WWOX: variants seen among roughly 807,000 people sequenced by gnomAD.
WWOX encodes the protein WW domain-containing oxidoreductase.
In WWOX, 69 loss-of-function variants were observed where a neutral mutation model predicts 46.2. The observed-to-expected ratio is 1.49, with a 90% CI of 1.23 to 1.82. The LOEUF is 1.82. Ranked by LOEUF, WWOX falls within the 40% of genes most tolerant of loss-of-function variation. The pLI, the probability that WWOX is intolerant of heterozygous loss-of-function variation, is 0.00. For synonymous variants in WWOX, 359 were observed against 202.6 expected (o/e 1.77, Z -6.56); for missense variants, 919 against 542.6 (o/e 1.69, Z -6.89).
At chr16:78,222,913 A>G (rs996274892) in intron 5 of WWOX, among the ~76,000 whole-genome samples, 2 of 152,206 alleles carry the variant, frequency 1.3e-5, no homozygotes, top group African/African-American at 4.8e-5. Context: ...GGAGATGCAA[A>G]TAGGCTCAGG....
At chr16:78,393,412 C>G (rs2082217516) in intron 6 of WWOX, among the ~76,000 whole-genome samples, 1 of 152,084 alleles carries the variant, frequency 6.6e-6, no homozygotes, top group Non-Finnish European at 1.5e-5. Context: ...AATCCCAGCG[C>G]TTTTGGGAGG....
intron 8 of WWOX, among the ~76,000 whole-genome samples, chr16:78,661,668 G>C (rs2047216780): frequency 6.6e-6 from 1 of 151,878 alleles, no homozygotes; most frequent in African/African-American, 2.4e-5. Context: ...TGGGGGCTCT[G>C]TGCATGGAAT....
Position 78,975,640 on chromosome 16 carries a change from T to C in WWOX, c.1057-235968T>C, listed in dbSNP as rs188969758. Among the ~76,000 whole-genome samples the C allele has an allele frequency of 7.7e-3, 1,176 of 152,146 alleles. 7 individuals are homozygous for C. The highest frequency in any genetic ancestry group is 0.014 in the Non-Finnish European group (972 of 67,994). On this transcript the variant is annotated intron_variant, in intron 8 of 8. Coordinates refer to ENST00000566780, the MANE Select transcript of WWOX (RefSeq NM_016373.4). Reference sequence around the variant, plus strand: ...AACAGTGTTTATTCCCCAACTGTCGTCCCTCAAAACCAATGTTAACACCCC... The same window carrying C: ...AACAGTGTTTATTCCCCAACTGTCGCCCCTCAAAACCAATGTTAACACCCC...
intron 5 of WWOX, among the ~76,000 whole-genome samples, chr16:78,318,006 C>T (rs1253647672): frequency 2.6e-5 from 4 of 152,138 alleles, no homozygotes; most frequent in Non-Finnish European, 5.9e-5. Flanking sequence ...AAAGGTTCCA[C>T]AGTATTTGGA....
intron 8 of WWOX, among the ~76,000 whole-genome samples, chr16:78,562,051 T>C (rs1051141252): frequency 6.6e-6 from 1 of 152,190 alleles, no homozygotes; most frequent in Non-Finnish European, 1.5e-5. Context: ...TTTAGCCCCG[T>C]GGAGGCATAT....
chr16:79,040,097 C>G (rs149494709), intron 8 of WWOX, among the ~76,000 whole-genome samples: 2 of 152,196 alleles, frequency 1.3e-5, no homozygotes, highest in East Asian at 3.9e-4. Context: ...TCATTCCTAC[C>G]CCATAGGTTG....
chr16:79,136,311 A>T (rs940202010), intron 8 of WWOX, among the ~76,000 whole-genome samples: 5 of 151,800 alleles, frequency 3.3e-5, no homozygotes, highest in African/African-American at 1.2e-4. Context: ...GCTCACTGCA[A>T]CATTTGACTC....
chr16:78,996,852 C>T lies in WWOX; in HGVS notation c.1057-214756C>T, dbSNP rs369278218. Among the ~76,000 whole-genome samples the T allele has an allele frequency of 2.2e-4, 33 of 152,308 alleles. No homozygotes were observed. In the South Asian group the frequency reaches 5.6e-3, roughly 26 times the overall value. The stretch of plus-strand genomic sequence containing the variant: ...GCTTGCAGAACATCTCCCCGGCCTC[C>T]GACACATGTGCCATAAATGCTGCAG... On this transcript the variant is annotated intron_variant, in intron 8 of 8. Transcript: ENST00000566780.
At chr16:78,446,952 C>A (rs1679850867) in intron 8 of WWOX, among the ~76,000 whole-genome samples, 1 of 152,066 alleles carries the variant, frequency 6.6e-6, no homozygotes, top group South Asian at 2.1e-4. Flanking sequence ...TGAGCCACTG[C>A]CAATTATATA....
At chr16:78,749,781 C>G (rs1463447386) in intron 8 of WWOX, among the ~76,000 whole-genome samples, 1 of 152,186 alleles carries the variant, frequency 6.6e-6, no homozygotes, top group Non-Finnish European at 1.5e-5. Flanking sequence ...ACCTGAAATG[C>G]AACTGTACTT....
intron 8 of WWOX, among the ~76,000 whole-genome samples, chr16:78,480,458 C>T (rs1200496351): frequency 6.6e-6 from 1 of 152,224 alleles, no homozygotes; most frequent in East Asian, 1.9e-4. Context: ...CATATATTTA[C>T]ATGTACTGTC....
rs555881290 is a variant in WWOX, at chr16:78,965,034, G to A, written c.1057-246574G>A. Among the ~76,000 whole-genome samples the A allele has an allele frequency of 1.2e-4, 19 of 152,346 alleles. No homozygotes were observed. The South Asian group carries it at 3.9e-3, about 32-fold the overall frequency. ...TATATGGAAACACCTGGATGCCCCA[G>A]CAAAAGTTTGCTGCATGGGTGGAGC... On this transcript the variant is annotated intron_variant, in intron 8 of 8. Coordinates refer to ENST00000566780, the MANE Select transcript of WWOX (RefSeq NM_016373.4).
intron 8 of WWOX, chr16:79,204,129 G>C (rs1195746314): frequency 6.6e-6 from 1 of 151,924 alleles, no homozygotes; most frequent in Admixed American, 6.6e-5. Context: ...ACCAACCATG[G>C]AAGAATAGAT....
At chr16:79,062,166 G>C (rs1340125074) in intron 8 of WWOX, among the ~76,000 whole-genome samples, 1 of 152,200 alleles carries the variant, frequency 6.6e-6, no homozygotes, top group East Asian at 1.9e-4. Flanking sequence ...GGGGGCCCCA[G>C]ACTCAAGGTT....
At chr16:78,541,030 G>A (rs138376097) in intron 8 of WWOX, among the ~76,000 whole-genome samples, 2 of 152,180 alleles carry the variant, frequency 1.3e-5, no homozygotes, top group Admixed American at 6.5e-5. Context: ...TGGGGAGGTG[G>A]CGTGGGTAGA....
chr16:79,188,754 C>T lies in WWOX; in HGVS notation c.1057-22854C>T, dbSNP rs1372237231. On this transcript the variant is annotated intron_variant, in intron 8 of 8. Transcript: ENST00000566780. ...GAATTGCCACCTTTATTTCCAAGTTCTCCTCGAAATCCACATTCTTCCCTA... is the reference window on the plus strand; with the variant it reads ...GAATTGCCACCTTTATTTCCAAGTTTTCCTCGAAATCCACATTCTTCCCTA... Among the ~76,000 whole-genome samples, 9 of 152,266 alleles carry T rather than the reference C, an allele frequency of 5.9e-5. No individual in the cohort carries two copies. In the East Asian group the frequency reaches 1.7e-3, roughly 29 times the overall value.
At chr16:78,446,204 T>A (rs2083557556) in intron 8 of WWOX, among the ~76,000 whole-genome samples, 1 of 152,210 alleles carries the variant, frequency 6.6e-6, no homozygotes, top group Non-Finnish European at 1.5e-5. Flanking sequence ...AATACATACA[T>A]CATACTTGAG....
At chr16:78,443,789 C>G (rs553220025) in intron 8 of WWOX, among the ~76,000 whole-genome samples, 28 of 152,068 alleles carry the variant, frequency 1.8e-4, no homozygotes, top group Admixed American at 5.9e-4. Flanking sequence ...TCTTTTATTA[C>G]TTTTCTTTTT....
chr16:78,608,722 C>G (rs1380834473), intron 8 of WWOX, among the ~76,000 whole-genome samples: 3 of 152,170 alleles, frequency 2.0e-5, no homozygotes, highest in Non-Finnish European at 4.4e-5. Context: ...TTACAGTTCC[C>G]AGCTGCTCAT....
Sources: gnomAD v4.1 joint callset for allele counts (sites outside exome capture counted in the v4.1 genomes callset) on GRCh38, gnomAD v4.1.1 for gene constraint, MANE v1.5 for transcripts, NCBI Gene and HGNC (gene_info 2026-07-23, HGNC 2026-07-21) for gene names.